ERAP1: variants seen among roughly 807,000 people sequenced by gnomAD.
The protein encoded by ERAP1 is adipocyte-derived leucine aminopeptidase.
ERAP1 carries 86 observed loss-of-function variants against 103.7 expected under a neutral mutation model. That is an observed-to-expected ratio of 0.83 (90% CI 0.70 to 0.99). The LOEUF (loss-of-function observed/expected upper bound fraction) is 0.99, where lower values mean the gene tolerates loss of function less well. Ranked by LOEUF, ERAP1 falls within the 50% of genes least tolerant of loss-of-function variation. The pLI is 0.00. For synonymous variants in ERAP1, 398 were observed against 402.4 expected, an observed-to-expected ratio of 0.99 and a Z score of 0.13; for missense variants, 1,009 against 1,128.4, an observed-to-expected ratio of 0.89 and a Z score of 1.52.
In ERAP1 at chr5:96,800,850, G is replaced by A. The variant is rs534215401; in HGVS notation, c.663+12C>T. The A allele has an allele frequency of 1.0e-4, 162 of 1,614,022 alleles. 2 individuals are homozygous for A. The South Asian group carries it at 1.7e-3, about 17-fold the overall frequency. Reference sequence around the variant, plus strand: ...ATTTTCCTATAGAAAATACACAGGAGTGCAGACTCACCAATGGCATATTGG... The same window carrying A: ...ATTTTCCTATAGAAAATACACAGGAATGCAGACTCACCAATGGCATATTGG... On this transcript the variant is annotated intron_variant, in intron 3 of 18. Transcript: ENST00000443439.
At chr5:96,889,831 TACACACACACAC>T in the ERAP1 span, among the ~76,000 whole-genome samples, 5 of 148,644 alleles carry the variant, frequency 3.4e-5, no homozygotes, top group South Asian at 4.3e-4. Flanking sequence ...AAAAAATACA[TACACACACACAC>T]ACACACACAC....
At chr5:96,830,121 C>T in the ERAP1 span, among the ~76,000 whole-genome samples, 5 of 152,300 alleles carry the variant, frequency 3.3e-5, no homozygotes, top group Admixed American at 2.0e-4. Flanking sequence ...TGGTAAATAT[C>T]TCACTGTGAG....
the ERAP1 span, chr5:96,879,576 T>A: frequency 1.4e-6 from 1 of 728,348 alleles, no homozygotes; most frequent in Non-Finnish European, 2.3e-6. Context: ...TAAATTCATG[T>A]ATTGAAAATA....
At chr5:96,853,801 A>G in the ERAP1 span, among the ~76,000 whole-genome samples, 3 of 151,564 alleles carry the variant, frequency 2.0e-5, no homozygotes, top group African/African-American at 7.3e-5. Flanking sequence ...AGGTAGTAGA[A>G]GACACAGTTA....
chr5:96,813,489 C>T, the ERAP1 span, among the ~76,000 whole-genome samples: 1 of 151,728 alleles, frequency 6.6e-6, no homozygotes, highest in South Asian at 2.1e-4. Context: ...CCTAGCTCTA[C>T]TAAAATACAA....
At chr5:96,916,703 C>T in the ERAP1 span, among the ~76,000 whole-genome samples, 2 of 151,240 alleles carry the variant, frequency 1.3e-5, no homozygotes, top group East Asian at 3.9e-4. Flanking sequence ...CTCCTGACCT[C>T]GTGATCCACC....
the ERAP1 span, among the ~76,000 whole-genome samples, chr5:96,891,535 TACACACACAC>T: frequency 1.4e-5 from 2 of 138,934 alleles, no homozygotes; most frequent in African/African-American, 2.7e-5. Context: ...ACGGTATATA[TACACACACAC>T]ACACACACAC....
At chr5:96,886,673 G>T in the ERAP1 span, 1 of 1,541,892 alleles carries the variant, frequency 6.5e-7, no homozygotes, top group East Asian at 2.3e-5. Flanking sequence ...AATTGAACTT[G>T]AAGGAGGTCT....
At chr5:96,824,197 G>C in the ERAP1 span, among the ~76,000 whole-genome samples, 1 of 152,118 alleles carries the variant, frequency 6.6e-6, no homozygotes, top group Non-Finnish European at 1.5e-5. Context: ...TGTAGATAAG[G>C]GTGGACTCCT....
Position 96,803,936 on chromosome 5 carries a change from C to G in ERAP1, c.-10G>C. 6.2e-7 allele frequency: 1 copy of G among 1,603,844 alleles called. No homozygotes were observed. Among genetic ancestry groups the G allele is most frequent in the Non-Finnish European group, 8.5e-7 (1 of 1,179,974 alleles). On this transcript the variant is annotated 5_prime_UTR_variant, in exon 2 of 19. Coordinates refer to ENST00000443439, the MANE Select transcript of ERAP1 (RefSeq NM_001040458.3). ...GGGGCAGAAACACCATCTTCTTGCT[C>G]TACCTACCTAGCGGCACAAATGTAC...
intron 2 of ERAP1, 22 bp downstream of exon 2, chr5:96,803,381 A>C: frequency 1.2e-6 from 2 of 1,610,178 alleles, no homozygotes; most frequent in Non-Finnish European, 1.7e-6. Flanking sequence ...GCAGTTTAAA[A>C]GAAAAAGAGA....
chr5:96,895,303 T>A, the ERAP1 span: 1 of 1,613,054 alleles, frequency 6.2e-7, no homozygotes, highest in Admixed American at 1.7e-5. Flanking sequence ...TAAGGAGGGT[T>A]TTGCAAAATA....
chr5:96,885,763 G>A, the ERAP1 span, among the ~76,000 whole-genome samples: 4 of 152,164 alleles, frequency 2.6e-5, no homozygotes, highest in African/African-American at 9.7e-5. Context: ...CAGATTATTG[G>A]ATCTGTATCC....
the ERAP1 span, among the ~76,000 whole-genome samples, chr5:96,855,891 CAT>C: frequency 1.2e-4 from 19 of 152,280 alleles, no homozygotes; most frequent in African/African-American, 3.4e-4. Flanking sequence ...CATGCACACA[CAT>C]ATGTGTATGT....
chr5:96,814,199 C>A, the ERAP1 span: 1 of 455,360 alleles, frequency 2.2e-6, no homozygotes, highest in Non-Finnish European at 4.4e-6. Context: ...CATTGACTAT[C>A]GGATTGAGAA....
At chr5:96,909,840 GTCTA>G in the ERAP1 span, 2 of 1,435,324 alleles carry the variant, frequency 1.4e-6, no homozygotes, top group Non-Finnish European at 9.5e-7. Context: ...AAGACATTAG[GTCTA>G]AAACCTTTTA....
the ERAP1 span, chr5:96,814,192 T>C: frequency 1.5e-5 from 7 of 454,782 alleles, no homozygotes; most frequent in Non-Finnish European, 3.1e-5. Context: ...CGTTCCTCAT[T>C]GACTATCGGA....
At chr5:96,801,463 G>GAA (rs34623658) in intron 2 of ERAP1, among the ~76,000 whole-genome samples, 36 of 140,298 alleles carry the variant, frequency 2.6e-4, no homozygotes, top group Admixed American at 7.0e-4. Flanking sequence ...GTCTCGGGAA[G>GAA]AAAAAAAAAA....
chr5:96,830,291 T>A, the ERAP1 span, among the ~76,000 whole-genome samples: 2 of 152,168 alleles, frequency 1.3e-5, no homozygotes, highest in Non-Finnish European at 2.9e-5. Context: ...CAAAAGGTAA[T>A]TTAAAAATCC....
Sources: allele counts gnomAD v4.1 joint callset (sites outside exome capture counted in the v4.1 genomes callset), GRCh38; gene constraint gnomAD v4.1.1; transcripts MANE v1.5; gene names NCBI Gene and HGNC (gene_info 2026-07-23, HGNC 2026-07-21).